Variants in NDUFAF2 observed in about 807,000 individuals in gnomAD.
The protein encoded by NDUFAF2 is NADH dehydrogenase [ubiquinone] 1 alpha subcomplex assembly factor 2.
NDUFAF2 carries 13 observed loss-of-function variants against 22.8 expected under a neutral mutation model. That is an observed-to-expected ratio of 0.57 (90% CI 0.37 to 0.91). The LOEUF is 0.91. Among genes scored for constraint, NDUFAF2 ranks in the 40% least tolerant of loss-of-function variants. The pLI, the probability that NDUFAF2 is intolerant of heterozygous loss-of-function variation, is 0.01. For synonymous variants in NDUFAF2, 53 were observed against 64.2 expected, an observed-to-expected ratio of 0.83 and a Z score of 0.84; for missense variants, 162 against 195.2, an observed-to-expected ratio of 0.83 and a Z score of 1.01.
At chr5:60,985,406 C>G (rs1431252795) in intron 1 of NDUFAF2, among the ~76,000 whole-genome samples, 2 of 152,058 alleles carry the variant, frequency 1.3e-5, no homozygotes, top group Admixed American at 1.3e-4. Flanking sequence ...CAGTTCTGCT[C>G]TGATCTTAGT....
intron 3 of NDUFAF2, among the ~76,000 whole-genome samples, chr5:61,104,473 GA>G (rs1447846786): frequency 6.6e-6 from 1 of 152,028 alleles, no homozygotes; most frequent in Non-Finnish European, 1.5e-5. Flanking sequence ...CCATAAAAAA[GA>G]AAGAGGAGAT....
chr5:60,958,449 C>A (rs1360287633), intron 1 of NDUFAF2, among the ~76,000 whole-genome samples: 1 of 152,060 alleles, frequency 6.6e-6, no homozygotes, highest in Non-Finnish European at 1.5e-5. Flanking sequence ...ATCTTCCAAT[C>A]TTTTTAGTGA....
At chr5:60,986,123 T>C (rs1751071428) in intron 1 of NDUFAF2, among the ~76,000 whole-genome samples, 1 of 152,254 alleles carries the variant, frequency 6.6e-6, no homozygotes, top group East Asian at 1.9e-4. Flanking sequence ...TACCATGTGC[T>C]CCAGCAATAT....
intron 3 of NDUFAF2, among the ~76,000 whole-genome samples, chr5:61,102,556 A>G (rs992133320): frequency 1.3e-5 from 2 of 152,162 alleles, no homozygotes; most frequent in African/African-American, 2.4e-5. Context: ...AAGCCAAACT[A>G]TTGTGCTTCT....
intron 1 of NDUFAF2, among the ~76,000 whole-genome samples, chr5:61,013,600 T>A (rs1751468778): frequency 1.3e-5 from 2 of 152,148 alleles, no homozygotes; most frequent in Non-Finnish European, 2.9e-5. Flanking sequence ...TATATAACAT[T>A]GAATGTGCTT....
chr5:60,968,095 A>G (rs1303318694), intron 1 of NDUFAF2, among the ~76,000 whole-genome samples: 1 of 151,704 alleles, frequency 6.6e-6, no homozygotes, highest in African/African-American at 2.4e-5. Flanking sequence ...AAATTTATAT[A>G]TTTATTCTAG....
At chr5:61,141,538 A>G (rs560265330) in intron 3 of NDUFAF2, among the ~76,000 whole-genome samples, 28 of 152,252 alleles carry the variant, frequency 1.8e-4, no homozygotes, top group African/African-American at 6.3e-4. Flanking sequence ...GAGCTTACCC[A>G]GCTCTTCCCT....
chr5:61,149,533 AGTT>A (rs1249812312), intron 3 of NDUFAF2, among the ~76,000 whole-genome samples: 10 of 152,216 alleles, frequency 6.6e-5, no homozygotes, highest in Admixed American at 5.9e-4. Context: ...CAGTAGAGGT[AGTT>A]GTTAAGTAAA....
At chr5:60,971,887 A>G (rs997702256) in intron 1 of NDUFAF2, among the ~76,000 whole-genome samples, 11 of 144,626 alleles carry the variant, frequency 7.6e-5, no homozygotes, top group Admixed American at 2.1e-4. Flanking sequence ...CACAACCTCT[A>G]TTTCTTAATA....
At chr5:61,031,523 C>G (rs1390533294) in intron 1 of NDUFAF2, among the ~76,000 whole-genome samples, 1 of 118,082 alleles carries the variant, frequency 8.5e-6, no homozygotes, top group Non-Finnish European at 2.0e-5. Context: ...CCATGGTATA[C>G]TGCATAGTAT....
intron 1 of NDUFAF2, among the ~76,000 whole-genome samples, chr5:60,953,390 A>G (rs1750573393): frequency 6.6e-6 from 1 of 152,152 alleles, no homozygotes; most frequent in Non-Finnish European, 1.5e-5. Flanking sequence ...TTGTTAAAAC[A>G]AAGGCAAATG....
intron 1 of NDUFAF2, among the ~76,000 whole-genome samples, chr5:61,003,205 A>G (rs1329692130): frequency 2.0e-5 from 3 of 152,132 alleles, no homozygotes; most frequent in Non-Finnish European, 4.4e-5. Flanking sequence ...TCTGCAATCA[A>G]CGTTTGGAAG....
At chr5:61,023,127 C>G (rs560619749) in intron 1 of NDUFAF2, among the ~76,000 whole-genome samples, 2 of 152,234 alleles carry the variant, frequency 1.3e-5, no homozygotes, top group East Asian at 3.9e-4. Flanking sequence ...CTGTCATTTC[C>G]TTCTAGAATG....
intron 3 of NDUFAF2, among the ~76,000 whole-genome samples, chr5:61,105,827 G>A (rs2111776473): frequency 6.6e-6 from 1 of 151,414 alleles, no homozygotes; most frequent in East Asian, 1.9e-4. Flanking sequence ...AGAAACGTGA[G>A]TATGCAAACC....
chr5:61,018,208 C>T (rs1434375597), intron 1 of NDUFAF2, among the ~76,000 whole-genome samples: 5 of 152,018 alleles, frequency 3.3e-5, no homozygotes, highest in African/African-American at 7.2e-5. Flanking sequence ...GGCTGGCTAC[C>T]GGGTGTGTCT....
At chr5:61,066,063 CA>C (rs1752224007) in intron 1 of NDUFAF2, among the ~76,000 whole-genome samples, 6 of 151,876 alleles carry the variant, frequency 4.0e-5, no homozygotes, top group Admixed American at 3.9e-4. Flanking sequence ...CATTTTAATA[CA>C]CAACCTAACT....
chr5:61,051,644 T>TA (rs894475063), intron 1 of NDUFAF2, among the ~76,000 whole-genome samples: 5 of 152,100 alleles, frequency 3.3e-5, no homozygotes, highest in African/African-American at 7.2e-5. Flanking sequence ...TTTGCTGTAT[T>TA]AAAAAAAATG....
chr5:61,123,487 A>G (rs1017175068), intron 3 of NDUFAF2, among the ~76,000 whole-genome samples: 7 of 152,162 alleles, frequency 4.6e-5, no homozygotes, highest in African/African-American at 1.4e-4. Flanking sequence ...AAGTATATCT[A>G]AACAGAAAAG....
chr5:61,019,459 C>T (rs534959381), intron 1 of NDUFAF2, among the ~76,000 whole-genome samples: 1 of 152,118 alleles, frequency 6.6e-6, no homozygotes, highest in African/African-American at 2.4e-5. Flanking sequence ...TGATACTAAA[C>T]TACAACTCTT....
Sources: gnomAD v4.1 joint callset for allele counts (sites outside exome capture counted in the v4.1 genomes callset) on GRCh38, gnomAD v4.1.1 for gene constraint, MANE v1.5 for transcripts, NCBI Gene and HGNC (gene_info 2026-07-23, HGNC 2026-07-21) for gene names.